The following SLC22A4 variants were observed in gnomAD, a reference collection of about 807,000 sequenced individuals.
SLC22A4 encodes ET transporter.
A neutral mutation model predicts 56.6 loss-of-function variants in SLC22A4; 39 were observed. That is an observed-to-expected ratio of 0.69 (90% confidence interval 0.53 to 0.90). The LOEUF (loss-of-function observed/expected upper bound fraction) is 0.90, where lower values mean the gene tolerates loss of function less well. Ranked by LOEUF, SLC22A4 falls within the 40% of genes least tolerant of loss-of-function variation. The pLI, the probability that SLC22A4 is intolerant of heterozygous loss-of-function variation, is 0.00. For synonymous variants in SLC22A4, 241 were observed against 281.4 expected, an observed-to-expected ratio of 0.86 and a Z score of 1.44; for missense variants, 594 against 696.5, an observed-to-expected ratio of 0.85 and a Z score of 1.66.
At chr5:132,318,173 A>G (rs1489477790) in intron 3 of SLC22A4, among the ~76,000 whole-genome samples, 1 of 152,230 alleles carries the variant, frequency 6.6e-6, no homozygotes, top group Non-Finnish European at 1.5e-5. Flanking sequence ...TTAAGCCCTG[A>G]AGAGGAGTTC....
intron 3 of SLC22A4, among the ~76,000 whole-genome samples, chr5:132,319,301 C>CAAA (rs55756450): frequency 1.2e-5 from 1 of 85,518 alleles, no homozygotes; most frequent in Non-Finnish European, 2.7e-5. Context: ...AAGTCTGTCT[C>CAAA]AAAAAAAAAA....
At chr5:132,337,041 A>G (rs971841395) in intron 8 of SLC22A4, among the ~76,000 whole-genome samples, 17 of 152,152 alleles carry the variant, frequency 1.1e-4, no homozygotes, top group African/African-American at 4.1e-4. Flanking sequence ...GCTATTACAA[A>G]TAACATTACA....
intron 5 of SLC22A4, among the ~76,000 whole-genome samples, chr5:132,329,857 G>C (rs945190283): frequency 6.6e-6 from 1 of 152,160 alleles, no homozygotes; most frequent in African/African-American, 2.4e-5. Context: ...AGTGCTTTAA[G>C]AATACAGATT....
Position 132,335,882 on chromosome 5 carries a change from C to G in SLC22A4, c.1326C>G (p.Ser442=). 1 of 1,614,100 alleles carries G rather than the reference C, an allele frequency of 6.2e-7. No homozygotes were observed. Among genetic ancestry groups the G allele is most frequent in the Non-Finnish European group, 8.5e-7 (1 of 1,179,992 alleles). ...AATTTGGGATCACCTCTGCTTTCTC[C>G]ATGCTGTATGTCTTCACTGCTGAGC... ...LGKFGITSAF[S]MLYVFTAELY... Residue 442 remains serine (S), a synonymous_variant, in exon 8 of 10, where the codon TCC becomes TCG. Transcript: ENST00000200652.
chr5:132,340,911 T>G (rs1465727313), intron 9 of SLC22A4, among the ~76,000 whole-genome samples: 1 of 150,104 alleles, frequency 6.7e-6, no homozygotes, highest in Admixed American at 6.6e-5. Context: ...AGGTCAGGAA[T>G]TTGAGACCAG....
Position 132,294,607 on chromosome 5 carries a change from A to T in SLC22A4, c.-10A>T, listed in dbSNP as rs11568501. 4.1e-4 allele frequency: 657 copies of T among 1,614,162 alleles called. 1 individual carries two copies. The African/African-American group carries it at 7.8e-3, about 19-fold the overall frequency. ...CCGTAGTTGCAAGTTTCGGAGCGGC[A>T]GTGGGAAGCATGCGGGACTACGACG... On this transcript the variant is annotated 5_prime_UTR_variant, in exon 1 of 10. Transcript: ENST00000200652. The surrounding 1 kb of genome is among the most constrained non-coding windows in gnomAD (Gnocchi z 5.6).
At chr5:132,303,106 C>T (rs1184670853) in intron 1 of SLC22A4, among the ~76,000 whole-genome samples, 2 of 152,144 alleles carry the variant, frequency 1.3e-5, no homozygotes, top group African/African-American at 4.8e-5. Context: ...TCTGATAACT[C>T]AGCAATAAAA....
chr5:132,327,428 T>C (rs1244555301), intron 5 of SLC22A4, 25 bp downstream of exon 5: 1 of 1,599,874 alleles, frequency 6.3e-7, no homozygotes, highest in Admixed American at 1.7e-5. Flanking sequence ...ATGTTTCCTC[T>C]TGAGATCAGC....
In SLC22A4 at chr5:132,294,751, CCCGGAGCACCGCTGTCGAGTG is replaced by C; in HGVS notation, c.141_161del (p.Glu47_Pro53del). On this transcript the variant is annotated inframe_deletion, in exon 1 of 10. Coordinates refer to ENST00000200652, the MANE Select transcript of SLC22A4 (RefSeq NM_003059.3). The surrounding 1 kb of genome is among the most constrained non-coding windows in gnomAD (Gnocchi z 5.6). ...TGTCAGTCGTGTTCCTGGCGGGGAC[CCCGGAGCACCGCTGTCGAGTG>C]CCGGACGCCGCGAACCTGAGCAGCG... is the stretch of plus-strand genomic sequence containing the variant. 1.2e-6 allele frequency: 2 copies of C among 1,613,872 alleles called. No homozygotes were observed. Among genetic ancestry groups the C allele is most frequent in the Non-Finnish European group, 1.7e-6 (2 of 1,180,030 alleles).
At chr5:132,327,176 T>C in intron 4 of SLC22A4, 101 bp from the exon 5 acceptor site, 3 of 982,142 alleles carry the variant, frequency 3.1e-6, no homozygotes, top group African/African-American at 1.6e-5. Flanking sequence ...AAAGACAAAC[T>C]AGAATTTTAC....
intron 8 of SLC22A4, among the ~76,000 whole-genome samples, chr5:132,338,213 G>A (rs1325387718): frequency 2.6e-5 from 4 of 152,084 alleles, no homozygotes; most frequent in African/African-American, 9.7e-5. Flanking sequence ...TCACATATTG[G>A]CAGGTTCCAT....
chr5:132,319,055 C>T (rs1015572135), intron 3 of SLC22A4, among the ~76,000 whole-genome samples: 1 of 152,118 alleles, frequency 6.6e-6, no homozygotes, highest in African/African-American at 2.4e-5. Context: ...AAATCCACTT[C>T]TGAAAGGGGG....
At chr5:132,325,703 C>T (rs964123062) in intron 4 of SLC22A4, among the ~76,000 whole-genome samples, 1 of 152,158 alleles carries the variant, frequency 6.6e-6, no homozygotes, top group African/African-American at 2.4e-5. Flanking sequence ...AATGGGGTTA[C>T]ATCCCAATAA....
In SLC22A4 at chr5:132,294,425, C is replaced by A; in HGVS notation, c.-192C>A. 1.4e-6 allele frequency: 1 copy of A among 702,272 alleles called. No individual in the cohort carries two copies. Among genetic ancestry groups the A allele is most frequent in the Non-Finnish European group, 2.4e-6 (1 of 418,842 alleles). 43.5% of individuals were successfully genotyped at this position (702,272 alleles called of 1,614,324 possible). Reference sequence around the variant, plus strand: ...ACAGTGGCATCAAGCTCAGCGCGAGCTCCCGGGAACGCTCCAACGCCTTCA... The same window carrying A: ...ACAGTGGCATCAAGCTCAGCGCGAGATCCCGGGAACGCTCCAACGCCTTCA... On this transcript the variant is annotated 5_prime_UTR_variant, in exon 1 of 10. Coordinates refer to ENST00000200652, the MANE Select transcript of SLC22A4 (RefSeq NM_003059.3). The surrounding 1 kb of genome is among the most constrained non-coding windows in gnomAD (Gnocchi z 5.6).
In SLC22A4 at chr5:132,299,400, TTTTATTTTA is replaced by T. The variant is rs1561533440; in HGVS notation, c.393+4395_393+4403del. On this transcript the variant is annotated intron_variant, in intron 1 of 9. Transcript: ENST00000200652. ...AAGAGTCAAATTATTTTTCGTTTTA[TTTTATTTTA>T]TTTTATTTTATTTTATTTTATTTTT... Among the ~76,000 whole-genome samples the T allele has an allele frequency of 5.7e-4, 72 of 127,324 alleles. 1 individual carries two copies. The South Asian group carries it at 0.017, about 31-fold the overall frequency. 83.5% of individuals were successfully genotyped at this position (127,324 alleles called of 152,430 possible).
In SLC22A4 at chr5:132,331,867, C is replaced by G; in HGVS notation, c.1046+17C>G. On this transcript the variant is annotated intron_variant, in intron 6 of 9. Transcript: ENST00000200652. ...GCTGCTATGGTAAGTAATAAGTGAC[C>G]TGGAAATGCAGATATCCAGCACATA... 1 of 1,487,076 alleles carries G rather than the reference C, an allele frequency of 6.7e-7. No individual in the cohort carries two copies. Among genetic ancestry groups the G allele is most frequent in the Non-Finnish European group, 9.4e-7 (1 of 1,064,012 alleles). The allele number at this position is 1,487,076 out of a possible 1,614,324, so 92.1% of individuals were successfully genotyped here. A position where few individuals can be genotyped will look rare whatever the true frequency, so the allele number is the denominator to read the frequency against.
At chr5:132,328,891 A>G (rs1164569727) in intron 5 of SLC22A4, among the ~76,000 whole-genome samples, 16 of 38,286 alleles carry the variant, frequency 4.2e-4, no homozygotes, top group African/African-American at 6.0e-4. Flanking sequence ...GTGTATATAT[A>G]TGTGTGTATG....
At chr5:132,312,024 C>A in intron 1 of SLC22A4, 137 bp from the exon 2 acceptor site, 1 of 767,740 alleles carries the variant, frequency 1.3e-6, no homozygotes, top group Non-Finnish European at 2.4e-6. Context: ...AGGCCTATGC[C>A]CTTTGTACAA....
intron 1 of SLC22A4, among the ~76,000 whole-genome samples, chr5:132,305,416 A>G (rs1456476843): frequency 6.6e-6 from 1 of 152,208 alleles, no homozygotes; most frequent in African/African-American, 2.4e-5. Flanking sequence ...GAAAACATTA[A>G]TCTACACCTT....
Sources: allele counts gnomAD v4.1 joint callset (sites outside exome capture counted in the v4.1 genomes callset), GRCh38; gene constraint gnomAD v4.1.1; non-coding constraint Gnocchi (gnomAD v3.1); transcripts MANE v1.5; gene names NCBI Gene and HGNC (gene_info 2026-07-23, HGNC 2026-07-21).